RASGRF2: variants seen among roughly 807,000 people sequenced by gnomAD.
RASGRF2 encodes Ras protein specific guanine nucleotide releasing factor 2.
In RASGRF2, 76 loss-of-function variants were observed where a neutral mutation model predicts 151.0. The ratio of observed to expected loss-of-function variants is 0.50; its 90% confidence interval spans 0.42 to 0.61. The LOEUF (loss-of-function observed/expected upper bound fraction) is 0.61, where lower values mean the gene tolerates loss of function less well. RASGRF2 is among the 20% of genes least tolerant of loss of function. The pLI is 0.00. For missense variants in RASGRF2, 1,148 were observed against 1,564.6 expected, an observed-to-expected ratio of 0.73 and a Z score of 4.49; for synonymous variants, 504 against 566.5, an observed-to-expected ratio of 0.89 and a Z score of 1.57.
intron 12 of RASGRF2, among the ~76,000 whole-genome samples, chr5:81,098,804 C>G (rs969454937): frequency 1.3e-5 from 2 of 152,172 alleles, no homozygotes; most frequent in Non-Finnish European, 2.9e-5. Flanking sequence ...AAGCATTTTC[C>G]TTTTATAGGA....
At chr5:81,024,529 G>A (rs1749948153) in intron 1 of RASGRF2, among the ~76,000 whole-genome samples, 1 of 151,910 alleles carries the variant, frequency 6.6e-6, no homozygotes, top group Non-Finnish European at 1.5e-5. Flanking sequence ...CGATGTGCTG[G>A]GATTACAGGC....
chr5:81,199,194 C>T (rs1442214797), intron 18 of RASGRF2, among the ~76,000 whole-genome samples: 1 of 152,226 alleles, frequency 6.6e-6, no homozygotes, highest in Non-Finnish European at 1.5e-5. Context: ...ACTCCAGGTT[C>T]ACAGGTTGCA....
chr5:81,099,114 A>G (rs1049188406), intron 12 of RASGRF2, among the ~76,000 whole-genome samples: 3 of 152,186 alleles, frequency 2.0e-5, no homozygotes, highest in African/African-American at 7.2e-5. Context: ...TCCATAGATC[A>G]CTTCTGCACA....
At chr5:81,053,052 A>G (rs567738877) in intron 2 of RASGRF2, among the ~76,000 whole-genome samples, 10 of 152,304 alleles carry the variant, frequency 6.6e-5, no homozygotes, top group Non-Finnish European at 1.2e-4. Flanking sequence ...TTAAGAAAGT[A>G]TGATAATTAC....
At chr5:81,034,061 C>T (rs1181612580) in intron 1 of RASGRF2, among the ~76,000 whole-genome samples, 2 of 152,236 alleles carry the variant, frequency 1.3e-5, no homozygotes, top group Non-Finnish European at 1.5e-5. Flanking sequence ...CTCATCATCA[C>T]TGGCCAACAG....
chr5:81,142,717 A>G (rs1753912287), intron 17 of RASGRF2, among the ~76,000 whole-genome samples: 1 of 152,180 alleles, frequency 6.6e-6, no homozygotes, highest in Admixed American at 6.5e-5. Context: ...CCCAGTGTGA[A>G]ATGAAAATGC....
chr5:81,146,395 T>C (rs1754006495), intron 17 of RASGRF2, among the ~76,000 whole-genome samples: 1 of 152,150 alleles, frequency 6.6e-6, no homozygotes, highest in South Asian at 2.1e-4. Context: ...CCCTAGCAGC[T>C]CAGTTGCCCA....
At chr5:81,030,199 G>A (rs1750188817) in intron 1 of RASGRF2, among the ~76,000 whole-genome samples, 1 of 152,196 alleles carries the variant, frequency 6.6e-6, no homozygotes. Context: ...GTGATGGGGA[G>A]AATGGAACCA....
chr5:81,156,539 T>C (rs922425059), intron 17 of RASGRF2, among the ~76,000 whole-genome samples: 2 of 152,188 alleles, frequency 1.3e-5, no homozygotes, highest in Non-Finnish European at 2.9e-5. Context: ...GCAAGGTTGG[T>C]TTAATATCAG....
chr5:81,178,791 T>C (rs1179173979), intron 17 of RASGRF2, among the ~76,000 whole-genome samples: 1 of 151,846 alleles, frequency 6.6e-6, no homozygotes, highest in Non-Finnish European at 1.5e-5. Flanking sequence ...CATGCTGGAG[T>C]GCAGTGGCGC....
intron 13 of RASGRF2, among the ~76,000 whole-genome samples, chr5:81,111,808 C>T (rs553444187): frequency 4.0e-5 from 6 of 151,820 alleles, no homozygotes; most frequent in South Asian, 2.1e-4. Context: ...CAGTTTAATC[C>T]GAAAAAAATA....
At chr5:81,081,149 A>C (rs1752074149) in intron 7 of RASGRF2, among the ~76,000 whole-genome samples, 1 of 152,164 alleles carries the variant, frequency 6.6e-6, no homozygotes, top group Non-Finnish European at 1.5e-5. Context: ...TTCTGTGCAA[A>C]TGTTCCAGTT....
chr5:81,035,069 C>G (rs2112374550), intron 1 of RASGRF2, among the ~76,000 whole-genome samples: 1 of 152,188 alleles, frequency 6.6e-6, no homozygotes, highest in South Asian at 2.1e-4. Context: ...CCTCAAGGAT[C>G]TAGAACTAGA....
chr5:81,223,828 C>G (rs1378531193), intron 26 of RASGRF2, among the ~76,000 whole-genome samples: 1 of 151,950 alleles, frequency 6.6e-6, no homozygotes, highest in Non-Finnish European at 1.5e-5. Context: ...CTCCATCTTA[C>G]CATTCACAAA....
intron 17 of RASGRF2, among the ~76,000 whole-genome samples, chr5:81,133,763 T>C (rs1357044458): frequency 2.0e-5 from 3 of 152,196 alleles, no homozygotes; most frequent in African/African-American, 4.8e-5. Flanking sequence ...AATGCACTTA[T>C]AGGAAAATTA....
At chr5:81,203,057 A>G (rs1157713922) in intron 19 of RASGRF2, among the ~76,000 whole-genome samples, 1 of 152,202 alleles carries the variant, frequency 6.6e-6, no homozygotes, top group Non-Finnish European at 1.5e-5. Flanking sequence ...ATTCTATGAA[A>G]ACATCTAAGT....
intron 17 of RASGRF2, among the ~76,000 whole-genome samples, chr5:81,172,759 T>C (rs1754686626): frequency 6.6e-6 from 1 of 152,158 alleles, no homozygotes; most frequent in Non-Finnish European, 1.5e-5. Context: ...ATGCAGTTTA[T>C]GTCAGCAAAA....
chr5:81,135,486 C>T (rs1352361265), intron 17 of RASGRF2, among the ~76,000 whole-genome samples: 1 of 152,132 alleles, frequency 6.6e-6, no homozygotes, highest in South Asian at 2.1e-4. Flanking sequence ...TCTCTATAAA[C>T]TTATTTGTTC....
chr5:81,220,230 T>G (rs995922516), intron 26 of RASGRF2, among the ~76,000 whole-genome samples: 5 of 152,226 alleles, frequency 3.3e-5, no homozygotes, highest in Non-Finnish European at 5.9e-5. Context: ...CTGTGAAGTC[T>G]CGCATTATAT....
Sources: gnomAD v4.1 joint callset for allele counts (sites outside exome capture counted in the v4.1 genomes callset) on GRCh38, gnomAD v4.1.1 for gene constraint, MANE v1.5 for transcripts, NCBI Gene and HGNC (gene_info 2026-07-23, HGNC 2026-07-21) for gene names.